Variants in PHF3 observed in about 807,000 individuals in gnomAD.
PHF3 encodes PHD finger protein 3.
In PHF3, 41 loss-of-function variants were observed where a neutral mutation model predicts 178.4. The ratio of observed to expected loss-of-function variants is 0.23; its 90% CI spans 0.18 to 0.30. PHF3 has a LOEUF of 0.30. Among genes scored for constraint, PHF3 ranks in the 10% least tolerant of loss-of-function variants. The pLI is 1.00. For synonymous variants in PHF3, 842 were observed against 800.5 expected (o/e 1.05, Z -0.88); for missense variants, 2,346 against 2,398.1 (o/e 0.98, Z 0.45).
At chr6:63,700,497 A>G (rs368476393) in intron 9 of PHF3, 31 bp downstream of exon 9, 5 of 1,162,858 alleles carry the variant, frequency 4.3e-6, no homozygotes, top group African/African-American at 1.5e-5. Context: ...GCATTTGACT[A>G]TCAAAATCTA....
Position 63,720,643 on chromosome 6 carries a change from C to G in PHF3, c.*6935C>G. 6.6e-7 allele frequency: 1 copy of G among 1,526,032 alleles called. No individual in the cohort carries two copies. Among genetic ancestry groups the G allele is most frequent in the Non-Finnish European group, 8.8e-7 (1 of 1,134,916 alleles). 94.5% of individuals were successfully genotyped at this position (1,526,032 alleles called of 1,614,324 possible). A position where few individuals can be genotyped will look rare whatever the true frequency, so the allele number is the denominator to read the frequency against. ...TCTCCATCATAAACATTGTATCCTT[C>G]TAATTTAATTAGTTCAATGTTTTTT... is the stretch of plus-strand genomic sequence containing the variant. On this transcript the variant is annotated 3_prime_UTR_variant, in exon 16 of 16. Transcript: ENST00000262043.
At chr6:63,683,509 G>A (rs1405238530) in intron 3 of PHF3, among the ~76,000 whole-genome samples, 1 of 151,912 alleles carries the variant, frequency 6.6e-6, no homozygotes, top group African/African-American at 2.4e-5. Context: ...CTTTTAAATT[G>A]TGTTTCTTTT....
At chr6:63,658,774 A>AGG in intron 2 of PHF3, among the ~76,000 whole-genome samples, 1 of 150,864 alleles carries the variant, frequency 6.6e-6, no homozygotes, top group Non-Finnish European at 1.5e-5. Flanking sequence ...CGAGAGAGAG[A>AGG]GGGAGAGATT....
At chr6:63,645,664 C>G (rs1382022525) in intron 1 of PHF3, among the ~76,000 whole-genome samples, 1 of 152,114 alleles carries the variant, frequency 6.6e-6, no homozygotes, top group Non-Finnish European at 1.5e-5. Context: ...TATGTTGATT[C>G]AGTTTTCTCT....
rs780490445 is a variant in PHF3 at position 63,712,802 on chromosome 6, C to G, written c.5214C>G (p.Pro1738=). Residue 1738 remains proline (P), a synonymous_variant, in exon 16 of 16, where the codon CCC becomes CCG. Coordinates refer to ENST00000262043, the MANE Select transcript of PHF3 (RefSeq NM_001370348.2). ...CTTCTCAAGCAGAACAAGCAAAACC[C>G]TTACAGGAGGATATTTTAATGCAAA... is the stretch of plus-strand genomic sequence containing the variant. ...IQTSQAEQAK[P]LQEDILMQNI... is the part of the protein sequence containing the mutation. 2 of 1,613,980 alleles carry G rather than the reference C, an allele frequency of 1.2e-6. No homozygotes were observed. Among genetic ancestry groups the G allele is most frequent in the Non-Finnish European group, 1.7e-6 (2 of 1,179,968 alleles).
intron 14 of PHF3, among the ~76,000 whole-genome samples, chr6:63,710,371 G>A (rs1767874418): frequency 1.3e-5 from 2 of 152,056 alleles, no homozygotes; most frequent in South Asian, 4.1e-4. Context: ...CTCTAAAAGA[G>A]GGCAGTTTAG....
rs1768136237 is a variant in PHF3, at chr6:63,714,917, A to C, written c.*1209A>C. 6.6e-6 allele frequency: 1 copy of C among 152,138 alleles called. No homozygotes were observed. Among genetic ancestry groups the C allele is most frequent in the East Asian group, 1.9e-4 (1 of 5,198 alleles). The allele number at this position is 152,138 out of a possible 1,614,324, so 9.4% of individuals were successfully genotyped here. Reference sequence around the variant, plus strand: ...AAAACTATTGTTAATTCAAATCTAAATTTATTTAAACCCTAAAACACATGG... The same window carrying C: ...AAAACTATTGTTAATTCAAATCTAACTTTATTTAAACCCTAAAACACATGG... On this transcript the variant is annotated 3_prime_UTR_variant, in exon 16 of 16. Transcript: ENST00000262043.
chr6:63,714,199 T>C lies in PHF3; in HGVS notation c.*491T>C, dbSNP rs575135135. On this transcript the variant is annotated 3_prime_UTR_variant, in exon 16 of 16. Transcript: ENST00000262043. ...TAATCAGATTATGCTAATCATTTAG[T>C]TGAGCAGTTTTTGACCAAGAATCAG... 6.5e-6 allele frequency: 1 copy of C among 153,172 alleles called. No homozygotes were observed. The highest frequency in any genetic ancestry group is 1.9e-4 in the East Asian group (1 of 5,196). 9.5% of individuals were successfully genotyped at this position (153,172 alleles called of 1,614,324 possible).
In PHF3 at chr6:63,692,002, A is replaced by G. The variant is rs753841230; in HGVS notation, c.2455A>G (p.Ile819Val). The G allele has an allele frequency of 4.3e-6, 7 of 1,613,240 alleles. No individual in the cohort carries two copies. Among genetic ancestry groups the G allele is most frequent in the Middle Eastern group, 1.8e-4 (1 of 5,710 alleles). The change falls in exon 5 of 16, where the codon ATA becomes GTA. Residue 819 changes from isoleucine (I) to valine (V), a missense_variant. Ile to Val is a conservative substitution (Grantham distance 29, BLOSUM62 3). This residue lies in a region of PHF3 where 252 missense variants were observed against 232.0 expected (regional missense o/e 1.09). Transcript: ENST00000262043. ...CACAACAAATGATAGAACCAAATAT[A>G]TAGATGATACAGTGAAGCACAAGGT... ...KHTTNDRTKY[I>V]DDTVKHKVKI... is the part of the protein sequence containing the mutation.
chr6:63,682,055 A>C (rs556238215), intron 3 of PHF3, among the ~76,000 whole-genome samples: 2 of 152,246 alleles, frequency 1.3e-5, no homozygotes, highest in Admixed American at 6.5e-5. Flanking sequence ...AATTCACTTA[A>C]TCTTACAAAT....
chr6:63,711,146 A>T lies in PHF3; in HGVS notation c.3802-21A>T, dbSNP rs1247348836. On this transcript the variant is annotated intron_variant, in intron 14 of 15. Transcript: ENST00000262043. ...CTTTAGCTTATTACCTTAAACAATT[A>T]TTTGTTATTTTCTTGAACAGGAAAT... 2.6e-6 allele frequency: 4 copies of T among 1,545,276 alleles called. No homozygotes were observed. In the South Asian group the frequency reaches 3.6e-5, roughly 14 times the overall value.
chr6:63,685,459 A>T lies in PHF3; in HGVS notation c.1737A>T (p.Thr579=). ...KNQAHSVLKK[T]LQDQTLVQIF... is the part of the protein sequence containing the mutation. ...AAGCTCATTCTGTACTGAAAAAAAC[A>T]TTACAGGATCAAACTTTAGTACAAA... The change falls in exon 4 of 16, where the codon ACA becomes ACT. Residue 579 remains threonine, a synonymous_variant. Coordinates refer to ENST00000262043, the MANE Select transcript of PHF3 (RefSeq NM_001370348.2). 1.9e-6 allele frequency: 3 copies of T among 1,614,106 alleles called. No individual in the cohort carries two copies. The highest frequency in any genetic ancestry group is 2.5e-6 in the Non-Finnish European group (3 of 1,180,002).
chr6:63,665,699 G>C (rs191157801), intron 2 of PHF3, among the ~76,000 whole-genome samples: 1 of 151,942 alleles, frequency 6.6e-6, no homozygotes, highest in Non-Finnish European at 1.5e-5. Context: ...ATGTTGGCCA[G>C]GCTAGTTTCG....
At chr6:63,683,005 TA>T (rs904616544) in intron 3 of PHF3, among the ~76,000 whole-genome samples, 10 of 152,042 alleles carry the variant, frequency 6.6e-5, no homozygotes, top group African/African-American at 1.7e-4. Context: ...TTTAGTTATT[TA>T]AAAAAATTTT....
chr6:63,715,739 T>C lies in PHF3; in HGVS notation c.*2031T>C, dbSNP rs940955818. On this transcript the variant is annotated 3_prime_UTR_variant, in exon 16 of 16. Transcript: ENST00000262043. ...TAGAGGCAGATCTTGTAACCGCTGA[T>C]TGACTGAAACATTTTATGGAGAATA... is the stretch of plus-strand genomic sequence containing the variant. 1.3e-5 allele frequency among the ~76,000 whole-genome samples: 2 copies of C among 152,098 alleles called. No individual in the cohort carries two copies. The highest frequency in any genetic ancestry group is 2.4e-5 in the African/African-American group (1 of 41,428).
At chr6:63,660,840 C>A (rs532142126) in intron 2 of PHF3, among the ~76,000 whole-genome samples, 5 of 152,298 alleles carry the variant, frequency 3.3e-5, no homozygotes, top group African/African-American at 1.2e-4. Flanking sequence ...GCTTACTGCT[C>A]ACTATAAAAG....
chr6:63,700,994 T>G (rs1273547699), intron 9 of PHF3, among the ~76,000 whole-genome samples: 1 of 152,194 alleles, frequency 6.6e-6, no homozygotes, highest in Non-Finnish European at 1.5e-5. Context: ...TTACCTTGTG[T>G]TTTATTATAG....
At chr6:63,687,081 CA>C (rs1333453878) in intron 4 of PHF3, among the ~76,000 whole-genome samples, 1 of 152,168 alleles carries the variant, frequency 6.6e-6, no homozygotes, top group Non-Finnish European at 1.5e-5. Context: ...GTGCTACATT[CA>C]CTGTCACTTA....
intron 1 of PHF3, among the ~76,000 whole-genome samples, chr6:63,636,996 C>T (rs1764370671): frequency 6.6e-6 from 1 of 152,044 alleles, no homozygotes; most frequent in Non-Finnish European, 1.5e-5. Flanking sequence ...TTTTAAATGC[C>T]AATTCCTAGA....
Sources: gnomAD v4.1 joint callset for allele counts (sites outside exome capture counted in the v4.1 genomes callset) on GRCh38, gnomAD v4.1.1 for gene constraint, gnomAD v4.1.1 regional missense constraint, MANE v1.5 for transcripts, NCBI Gene and HGNC (gene_info 2026-07-23, HGNC 2026-07-21) for gene names.